CACNA1E: variants seen among roughly 807,000 people sequenced by gnomAD.
CACNA1E encodes voltage-dependent R-type calcium channel subunit alpha-1E.
In CACNA1E, 40 loss-of-function variants were observed where a neutral mutation model predicts 259.2. That is an observed-to-expected ratio of 0.15 (90% CI 0.12 to 0.20). The LOEUF (loss-of-function observed/expected upper bound fraction) is 0.20. Among genes scored for constraint, CACNA1E ranks in the 10% least tolerant of loss-of-function variants. The pLI, the probability that CACNA1E is intolerant of heterozygous loss-of-function variation, is 1.00. For missense variants in CACNA1E, 1,874 were observed against 3,040.1 expected, an observed-to-expected ratio of 0.62 and a Z score of 9.02; for synonymous variants, 1,104 against 1,138.5, an observed-to-expected ratio of 0.97 and a Z score of 0.61.
At chr1:181,456,321 A>G (rs899384571) in intron 2 of CACNA1E, among the ~76,000 whole-genome samples, 1 of 152,120 alleles carries the variant, frequency 6.6e-6, no homozygotes, top group Non-Finnish European at 1.5e-5. Context: ...CCTAGAGAAC[A>G]TACCATTTGT....
chr1:181,750,164 AAC>A (rs1223139339), intron 25 of CACNA1E, among the ~76,000 whole-genome samples: 3 of 152,288 alleles, frequency 2.0e-5, no homozygotes, highest in African/African-American at 7.2e-5. Flanking sequence ...CCATGGAAAT[AAC>A]ACACAATACC....
intron 6 of CACNA1E, among the ~76,000 whole-genome samples, chr1:181,613,053 G>A (rs762229552): frequency 9.2e-5 from 14 of 152,168 alleles, no homozygotes; most frequent in East Asian, 1.9e-4. Context: ...TCCTGACCAC[G>A]TGTGTATGAG....
Position 181,733,750 on chromosome 1 carries a change from A to T in CACNA1E, c.3262A>T (p.Ile1088Phe). ...DPLVDSTVVH[I>F]SNKTDGEASP... The stretch of plus-strand genomic sequence containing the variant: ...CTTGGTGGACTCAACCGTGGTGCAC[A>T]GTGAGAGCACAGTCCCTGTTCCCCT... The change falls in exon 21 of 48, where the codon ATT becomes TTT. Residue 1088 changes from isoleucine (I) to phenylalanine (F), a missense_variant and splice_region_variant. Transcript: ENST00000367573. The T allele has an allele frequency of 6.5e-7, 1 of 1,538,390 alleles. No individual in the cohort carries two copies. Among genetic ancestry groups the T allele is most frequent in the Non-Finnish European group, 8.8e-7 (1 of 1,140,578 alleles).
intron 1 of CACNA1E, among the ~76,000 whole-genome samples, chr1:181,324,381 G>A (rs1650611293): frequency 6.6e-6 from 1 of 152,186 alleles, no homozygotes; most frequent in Non-Finnish European, 1.5e-5. Context: ...TTAAGCCGAA[G>A]ATCAGAATGA....
intron 18 of CACNA1E, 56 bp downstream of exon 18, chr1:181,726,218 A>G: frequency 2.5e-6 from 3 of 1,216,282 alleles, no homozygotes; most frequent in Admixed American, 3.8e-5. Flanking sequence ...CAGCCAATTC[A>G]TCAACTCACA....
chr1:181,515,178 G>A (rs898100791), intron 3 of CACNA1E, among the ~76,000 whole-genome samples: 1 of 151,980 alleles, frequency 6.6e-6, no homozygotes, highest in African/African-American at 2.4e-5. Flanking sequence ...ATGAGCTCAG[G>A]GAGGTATGAT....
rs1655602087 is a variant in CACNA1E at position 181,732,586 on chromosome 1, G to A, written c.2500G>A (p.Glu834Lys). ...CCTTTATCGGCGACCCAGGGCCATT[G>A]AGGGCCTGGCCCTGGGCCTGGCCCT... ...PSLYRRPRAIEGLALGLALEK... is the reference protein window; with the variant it reads ...PSLYRRPRAIKGLALGLALEK... The change falls in exon 20 of 48, where the codon GAG (glutamate) becomes AAG (lysine). Residue 834 changes from glutamate to lysine, a missense_variant. This residue lies in a region of CACNA1E where 476 missense variants were observed against 514.0 expected (regional missense o/e 0.93). Transcript: ENST00000367573. The surrounding 1 kb of genome is among the most constrained non-coding windows in gnomAD (Gnocchi z 5.5). 6.6e-7 allele frequency: 1 copy of A among 1,519,120 alleles called. No homozygotes were observed. 94.1% of individuals were successfully genotyped at this position (1,519,120 alleles called of 1,614,324 possible). A position where few individuals can be genotyped will look rare whatever the true frequency, so the allele number is the denominator to read the frequency against.
At chr1:181,605,752 C>T (rs1476824018) in intron 6 of CACNA1E, among the ~76,000 whole-genome samples, 6 of 152,142 alleles carry the variant, frequency 3.9e-5, no homozygotes, top group African/African-American at 1.4e-4. Flanking sequence ...ATTGCTGAGC[C>T]AGTCAAGGGA....
intron 7 of CACNA1E, among the ~76,000 whole-genome samples, chr1:181,665,156 TACACAC>T (rs10603505): frequency 1.0e-4 from 15 of 150,110 alleles, no homozygotes; most frequent in Middle Eastern, 3.4e-3. Flanking sequence ...TATATACCTA[TACACAC>T]ACACACACAC....
chr1:181,796,831 G>A lies in CACNA1E; in HGVS notation c.6372G>A (p.Glu2124=), dbSNP rs754695272. ...PERRQSRSPS[E]GRSQTPNRQG... is the part of the protein sequence containing the mutation. ...GCCGTCAATCCAGGTCACCCAGTGA[G>A]GGCAGGTCACAGACGCCCAACAGAC... The change falls in exon 47 of 48, where the codon GAG becomes GAA. Residue 2124 remains glutamate (E), a synonymous_variant. Transcript: ENST00000367573. The A allele has an allele frequency of 4.4e-6, 7 of 1,605,532 alleles. No individual in the cohort carries two copies. Among genetic ancestry groups the A allele is most frequent in the Non-Finnish European group, 6.0e-6 (7 of 1,175,772 alleles).
chr1:181,721,208 G>A (rs1654382771), intron 15 of CACNA1E, among the ~76,000 whole-genome samples: 1 of 152,108 alleles, frequency 6.6e-6, no homozygotes, highest in Non-Finnish European at 1.5e-5. Flanking sequence ...CCATTAAATG[G>A]TGTTTATTTA....
chr1:181,330,683 G>A lies in CACNA1E; in HGVS notation c.-15+12560G>A, dbSNP rs75288636. On this transcript the variant is annotated intron_variant, in intron 1 of 11. Transcript: ENST00000524607. ...CCTATTGGCAGGTGAGTCCAACGTA[G>A]TGTCAGAAAAGCAAGAGCTAAGCAG... Among the ~76,000 whole-genome samples, 306 of 152,318 alleles carry A rather than the reference G, an allele frequency of 2.0e-3. 2 individuals are homozygous for A. Among genetic ancestry groups the A allele is most frequent in the African/African-American group, 6.8e-3 (284 of 41,572 alleles).
At chr1:181,735,120 G>A (rs781593431) in intron 21 of CACNA1E, among the ~76,000 whole-genome samples, 22 of 151,952 alleles carry the variant, frequency 1.4e-4, no homozygotes, top group Non-Finnish European at 2.2e-4. Flanking sequence ...TATAGTCAAC[G>A]TGCCACTGCT....
chr1:181,605,728 T>G (rs1654172404), intron 6 of CACNA1E, among the ~76,000 whole-genome samples: 2 of 152,038 alleles, frequency 1.3e-5, no homozygotes, highest in South Asian at 4.1e-4. Flanking sequence ...CCTGGGCTAT[T>G]TTGGGTGGGA....
intron 6 of CACNA1E, among the ~76,000 whole-genome samples, chr1:181,648,166 G>GT (rs1238037783): frequency 6.6e-6 from 1 of 152,196 alleles, no homozygotes; most frequent in Non-Finnish European, 1.5e-5. Context: ...AGAATGAATT[G>GT]TATCAGTGTA....
At chr1:181,747,514 G>A (rs978324210) in intron 25 of CACNA1E, among the ~76,000 whole-genome samples, 2 of 150,242 alleles carry the variant, frequency 1.3e-5, no homozygotes, top group African/African-American at 4.9e-5. Flanking sequence ...GAAAATAAAT[G>A]GTAAAATGTG....
chr1:181,729,251 G>A (rs1655236329), intron 18 of CACNA1E, among the ~76,000 whole-genome samples: 1 of 151,988 alleles, frequency 6.6e-6, no homozygotes, highest in Non-Finnish European at 1.5e-5. Context: ...ACAGATGTGT[G>A]TACACTGCTC....
intron 7 of CACNA1E, among the ~76,000 whole-genome samples, chr1:181,672,618 C>T (rs930378603): frequency 1.3e-5 from 2 of 152,182 alleles, no homozygotes; most frequent in African/African-American, 4.8e-5. Flanking sequence ...CTGTCTGGCT[C>T]CAGAGAGGAA....
intron 44 of CACNA1E, among the ~76,000 whole-genome samples, chr1:181,793,032 T>G (rs1414101423): frequency 6.6e-6 from 1 of 152,264 alleles, no homozygotes; most frequent in Non-Finnish European, 1.5e-5. Context: ...TAAATGTTAT[T>G]AAATTTCACC....
Sources: gnomAD v4.1 joint callset for allele counts (sites outside exome capture counted in the v4.1 genomes callset) on GRCh38, gnomAD v4.1.1 for gene constraint, gnomAD v4.1.1 regional missense constraint, Gnocchi (gnomAD v3.1) non-coding constraint, MANE v1.5 for transcripts, NCBI Gene and HGNC (gene_info 2026-07-23, HGNC 2026-07-21) for gene names.